ENPP5: variants seen among roughly 807,000 people sequenced by gnomAD.
ENPP5 encodes the protein E-NPP 5.
A neutral mutation model predicts 33.7 loss-of-function variants in ENPP5; 27 were observed. That is an observed-to-expected ratio of 0.80 (90% CI 0.59 to 1.11). ENPP5 has a LOEUF of 1.11. ENPP5 is among the 50% of genes least tolerant of loss of function. The pLI is 0.00. For synonymous variants in ENPP5, 199 were observed against 200.5 expected (o/e 0.99, Z 0.06); for missense variants, 552 against 579.2 (o/e 0.95, Z 0.48).
At position 46,165,388 on chromosome 6, in the gene ENPP5, CAG is replaced by C. The variant is rs767178616; in HGVS notation, c.1003_1004del (p.Leu335ValfsTer8). On this transcript the variant is annotated frameshift_variant and splice_region_variant, in exon 4 of 5. Transcript: ENST00000371383. LOFTEE classifies it high-confidence loss of function. ...HILQNKSDDFLLGNHGYDNAL... is the reference protein window; with the variant it reads ...HILQNKSDDFXLGNHGYDNAL... ...AAAGAAATACTGTAACATACTCACACAGAAAGTCATCTGACTTATTCTGTAAA... is the reference window on the plus strand; with the variant it reads ...AAAGAAATACTGTAACATACTCACACAAAGTCATCTGACTTATTCTGTAAA... 1.2e-5 allele frequency: 19 copies of C among 1,563,000 alleles called. No homozygotes were observed. The highest frequency in any genetic ancestry group is 3.4e-4 in the Middle Eastern group (2 of 5,850).
At chr6:46,169,192 G>A (rs994720414) in intron 2 of ENPP5, among the ~76,000 whole-genome samples, 20 of 152,076 alleles carry the variant, frequency 1.3e-4, no homozygotes, top group African/African-American at 4.1e-4. Flanking sequence ...CTAATAAGAC[G>A]CTGTATGGAT....
chr6:46,168,247 G>A lies in ENPP5; in HGVS notation c.16C>T (p.Leu6Phe). ...GCAGCAAGTATGAAGGACACCAAGA[G>A]AAATTTCGAAGTCATTTTCAAAGTA... is the stretch of plus-strand genomic sequence containing the variant. MTSKF[L>F]LVSFILAALS... The change falls in exon 3 of 5, where the codon CTC becomes TTC. Residue 6 changes from leucine (L) to phenylalanine (F), a missense_variant. Physicochemically the swap from Leu to Phe is conservative, Grantham distance 22. Transcript: ENST00000371383. 1 of 1,580,274 alleles carries A rather than the reference G, an allele frequency of 6.3e-7. No homozygotes were observed. Among genetic ancestry groups the A allele is most frequent in the Non-Finnish European group, 8.6e-7 (1 of 1,160,390 alleles).
At chr6:46,165,706 G>T (rs541725338) in intron 3 of ENPP5, 143 bp from the exon 4 acceptor site, 24 of 577,302 alleles carry the variant, frequency 4.2e-5, no homozygotes, top group African/African-American at 4.0e-4. Context: ...AAACAATTTT[G>T]GGAGGGGAAA....
chr6:46,170,608 T>C (rs1452515548), intron 1 of ENPP5, among the ~76,000 whole-genome samples, 200 bp downstream of exon 1: 1 of 150,104 alleles, frequency 6.7e-6, no homozygotes, highest in Admixed American at 6.6e-5. Context: ...AGGGCGGGGG[T>C]GTCCATCTTC....
rs1405641537 is a variant in ENPP5, at chr6:46,161,507, C to T, written c.1253G>A (p.Gly418Asp). The T allele has an allele frequency of 4.3e-6, 7 of 1,613,914 alleles. No individual in the cohort carries two copies. Among genetic ancestry groups the T allele is most frequent in the South Asian group, 1.1e-5 (1 of 91,068 alleles). Residue 418 changes from glycine to aspartate, a missense_variant, in exon 5 of 5, where the codon GGT becomes GAT. Gly to Asp is a moderately conservative substitution (Grantham distance 94). Coordinates refer to ENST00000371383, the MANE Select transcript of ENPP5 (RefSeq NM_001290072.2). ...PYTQSTILLPGSVKPAEYDQE... is the reference protein window; with the variant it reads ...PYTQSTILLPDSVKPAEYDQE... ...GTCATATTCTGCTGGTTTAACACTA[C>T]CAGGGAGGAGTATAGTACTCTGTGT... is the stretch of plus-strand genomic sequence containing the variant.
At chr6:46,165,878 C>G (rs1764528456) in intron 3 of ENPP5, among the ~76,000 whole-genome samples, 1 of 151,562 alleles carries the variant, frequency 6.6e-6, no homozygotes, top group Non-Finnish European at 1.5e-5. Flanking sequence ...TGGCTAGGTT[C>G]TGGTAGTTGT....
In ENPP5 at chr6:46,161,496, G is replaced by C; in HGVS notation, c.1264C>G (p.Pro422Ala). 1 of 1,614,078 alleles carries C rather than the reference G, an allele frequency of 6.2e-7. No homozygotes were observed. Among genetic ancestry groups the C allele is most frequent in the Non-Finnish European group, 8.5e-7 (1 of 1,179,944 alleles). Residue 422 changes from proline to alanine, a missense_variant, in exon 5 of 5, where the codon CCA (proline) becomes GCA (alanine). Transcript: ENST00000371383. Reference sequence around the variant, plus strand: ...GACCCCTCTTGGTCATATTCTGCTGGTTTAACACTACCAGGGAGGAGTATA... The same window carrying C: ...GACCCCTCTTGGTCATATTCTGCTGCTTTAACACTACCAGGGAGGAGTATA... ...STILLPGSVK[P>A]AEYDQEGSYP...
chr6:46,161,382 T>C lies in ENPP5; in HGVS notation c.1378A>G (p.Ile460Val). 6.2e-7 allele frequency: 1 copy of C among 1,613,818 alleles called. No homozygotes were observed. Among genetic ancestry groups the C allele is most frequent in the South Asian group, 1.1e-5 (1 of 91,064 alleles). ...GCATGCATATCTTGTAAGGCAGGTA[T>C]TTGACTGTGAATTAAATGCTTAATG... ...IFIKHLIHSQIPALQDMHAEI... is the reference protein window; with the variant it reads ...IFIKHLIHSQVPALQDMHAEI... Residue 460 changes from isoleucine (I) to valine (V), a missense_variant, in exon 5 of 5, where the codon ATA becomes GTA. Ile to Val is a conservative substitution (Grantham distance 29, BLOSUM62 3). Transcript: ENST00000371383.
At chr6:46,170,400 T>C (rs886459268) in intron 1 of ENPP5, among the ~76,000 whole-genome samples, 1 of 151,984 alleles carries the variant, frequency 6.6e-6, no homozygotes, top group African/African-American at 2.4e-5. Context: ...ATTTTTTTTT[T>C]TTTCGTGCAC....
rs149807377 is a variant in ENPP5, at chr6:46,167,714, A to T, written c.549T>A (p.Gly183=). The part of the protein sequence containing the change: ...WFTSKEPINL[G]LLYWEDPDDM... Reference sequence around the variant, plus strand: ...CATCAGGGTCTTCCCAATAGAGAAGACCAAGATTTATGGGCTCTTTTGACG... The same window carrying T: ...CATCAGGGTCTTCCCAATAGAGAAGTCCAAGATTTATGGGCTCTTTTGACG... Residue 183 remains glycine (G), a synonymous_variant, in exon 3 of 5, where the codon GGT becomes GGA. Coordinates refer to ENST00000371383, the MANE Select transcript of ENPP5 (RefSeq NM_001290072.2). The T allele has an allele frequency of 4.7e-5, 76 of 1,614,170 alleles. No individual in the cohort carries two copies. The African/African-American group carries it at 9.6e-4, about 20-fold the overall frequency.
chr6:46,165,562 A>T lies in ENPP5; in HGVS notation c.831T>A (p.Gly277=). The change falls in exon 4 of 5, where the codon GGT becomes GGA. Residue 277 remains glycine (G), a splice_region_variant and synonymous_variant. Transcript: ENST00000371383. Reference sequence around the variant, plus strand: ...GTGCTTCATAGACTTCATCAAATTTACCTAAAGAGAAGGGAGGAGAGGCAC... The same window carrying T: ...GTGCTTCATAGACTTCATCAAATTTTCCTAAAGAGAAGGGAGGAGAGGCAC... ...SPVAAILPKE[G]KFDEVYEALT... is the part of the protein sequence containing the mutation. 6.4e-7 allele frequency: 1 copy of T among 1,557,672 alleles called. No homozygotes were observed. The highest frequency in any genetic ancestry group is 8.6e-7 in the Non-Finnish European group (1 of 1,159,506).
At position 46,161,441 on chromosome 6, in the gene ENPP5, C is replaced by A. The variant is rs1764390232; in HGVS notation, c.1319G>T (p.Gly440Val). The change falls in exon 5 of 5, where the codon GGC becomes GTC. Residue 440 changes from glycine to valine, a missense_variant. Coordinates refer to ENST00000371383, the MANE Select transcript of ENPP5 (RefSeq NM_001290072.2). ...AAAAAATACAATCACTATAATGCTG[C>A]CAAGAGAGACCCCTATGAAATAAGG... ...SYPYFIGVSL[G>V]SIIVIVFFVI... 6.2e-7 allele frequency: 1 copy of A among 1,613,820 alleles called. No homozygotes were observed. The highest frequency in any genetic ancestry group is 1.3e-5 in the African/African-American group (1 of 75,004).
rs1028659856 is a variant in ENPP5, at chr6:46,165,168, A to G, written c.1006+219T>C. 1.0e-4 allele frequency: 43 copies of G among 414,896 alleles called. No individual in the cohort carries two copies. In the East Asian group the frequency reaches 1.5e-3, roughly 15 times the overall value. The allele number at this position is 414,896 out of a possible 1,614,324, so 25.7% of individuals were successfully genotyped here. A position where few individuals can be genotyped will look rare whatever the true frequency, so the allele number is the denominator to read the frequency against. On this transcript the variant is annotated intron_variant, in intron 4 of 4. Coordinates refer to ENST00000371383, the MANE Select transcript of ENPP5 (RefSeq NM_001290072.2). ...AATCAATAAACATGATAGAAACCCA[A>G]TTCTACCTAAAGGGACATTTTGTAT...
At chr6:46,168,977 A>C (rs1039367542) in intron 2 of ENPP5, among the ~76,000 whole-genome samples, 2 of 152,042 alleles carry the variant, frequency 1.3e-5, no homozygotes, top group Non-Finnish European at 2.9e-5. Context: ...CTAAATAATT[A>C]GATTCTAAAC....
Position 46,167,822 on chromosome 6 carries a change from A to G in ENPP5, c.441T>C (p.His147=). 2 of 1,614,168 alleles carry G rather than the reference A, an allele frequency of 1.2e-6. No individual in the cohort carries two copies. The highest frequency in any genetic ancestry group is 1.7e-6 in the Non-Finnish European group (2 of 1,180,036). Residue 147 remains histidine (H), a synonymous_variant, in exon 3 of 5, where the codon CAT becomes CAC. Coordinates refer to ENST00000371383, the MANE Select transcript of ENPP5 (RefSeq NM_001290072.2). ...GCATGTAATGAGTAGGAAAGCGCTT[A>G]TGTATTTTTACATCTGTTCCGGGCC... ...AMWPGTDVKI[H]KRFPTHYMPY...
In ENPP5 at chr6:46,169,934, A is replaced by G. The variant is rs2127500184; in HGVS notation, c.-36+119T>C. ...GGTATTGGTCTCAAGATGATAGCTCAAATGTCATATTTAAAAACGATTTCT... is the reference window on the plus strand; with the variant it reads ...GGTATTGGTCTCAAGATGATAGCTCGAATGTCATATTTAAAAACGATTTCT... On this transcript the variant is annotated intron_variant, in intron 2 of 4. Coordinates refer to ENST00000371383, the MANE Select transcript of ENPP5 (RefSeq NM_001290072.2). 2.6e-5 allele frequency: 4 copies of G among 152,218 alleles called. No individual in the cohort carries two copies. In the Middle Eastern group the frequency reaches 0.014, roughly 518 times the overall value. The allele number at this position is 152,218 out of a possible 1,614,324, so 9.4% of individuals were successfully genotyped here.
At chr6:46,162,438 C>T (rs1013395540) in intron 4 of ENPP5, among the ~76,000 whole-genome samples, 3 of 152,008 alleles carry the variant, frequency 2.0e-5, no homozygotes, top group South Asian at 2.1e-4. Flanking sequence ...AAAATGGATA[C>T]GAAATTGATA....
Position 46,170,129 on chromosome 6 carries a change from G to A in ENPP5, c.-97-15C>T, listed in dbSNP as rs1764692229. 6.6e-6 allele frequency: 1 copy of A among 152,182 alleles called. No individual in the cohort carries two copies. The highest frequency in any genetic ancestry group is 1.5e-5 in the Non-Finnish European group (1 of 68,038). 9.4% of individuals were successfully genotyped at this position (152,182 alleles called of 1,614,324 possible). A position where few individuals can be genotyped will look rare whatever the true frequency, so the allele number is the denominator to read the frequency against. On this transcript the variant is annotated splice_polypyrimidine_tract_variant and intron_variant, in intron 1 of 4. Transcript: ENST00000371383. ...TTCTCTCCCACCTTTTTAAAACAAG[G>A]AAGGCTAGTATCAACCAAATGTAAT... is the stretch of plus-strand genomic sequence containing the variant.
Position 46,161,326 on chromosome 6 carries a change from T to C in ENPP5, c.1434A>G (p.Ter478=), listed in dbSNP as rs1443406287. Residue 478 remains the stop codon, a stop_retained_variant, in exon 5 of 5, where the codon TAA becomes TAG. Coordinates refer to ENST00000371383, the MANE Select transcript of ENPP5 (RefSeq NM_001290072.2). ...TATGCAAATCCACTTCAAAGTAACA[T>C]TAGGCTTGTAATAATGGTTGAGCTA... ...AEIAQPLLQA[*] is the part of the protein sequence containing the mutation. 2.5e-6 allele frequency: 4 copies of C among 1,606,714 alleles called. No individual in the cohort carries two copies. In the Admixed American group the frequency reaches 6.7e-5, roughly 27 times the overall value.
Sources: allele counts gnomAD v4.1 joint callset (sites outside exome capture counted in the v4.1 genomes callset), GRCh38; gene constraint gnomAD v4.1.1; transcripts MANE v1.5; gene names NCBI Gene and HGNC (gene_info 2026-07-23, HGNC 2026-07-21).